ABCD3: variants seen among roughly 807,000 people sequenced by gnomAD.
ABCD3 encodes ATP binding cassette subfamily D member 3.
A neutral mutation model predicts 105.5 loss-of-function variants in ABCD3; 41 were observed. That is an observed-to-expected ratio of 0.39 (90% CI 0.30 to 0.50). The LOEUF (loss-of-function observed/expected upper bound fraction) is 0.50, where lower values mean the gene tolerates loss of function less well. Among genes scored for constraint, ABCD3 ranks in the 20% least tolerant of loss-of-function variants. The pLI is 0.84. For synonymous variants in ABCD3, 258 were observed against 269.0 expected (o/e 0.96, Z 0.40); for missense variants, 622 against 806.3 (o/e 0.77, Z 2.77).
At position 94,489,719 on chromosome 1, in the gene ABCD3, T is replaced by C; in HGVS notation, c.1158-6T>C. On this transcript the variant is annotated splice_region_variant and splice_polypyrimidine_tract_variant and intron_variant, in intron 13 of 22. Transcript: ENST00000370214. ...TTGATTATGGTTTCCTTTTCTAAAA[T>C]TTTAGTTTTACTGCTCGGATTACAG... 1 of 1,609,036 alleles carries C rather than the reference T, an allele frequency of 6.2e-7. No homozygotes were observed. The highest frequency in any genetic ancestry group is 2.2e-5 in the East Asian group (1 of 44,680).
the ABCD3 span, among the ~76,000 whole-genome samples, chr1:94,408,065 G>A: frequency 7.9e-5 from 12 of 152,308 alleles, no homozygotes; most frequent in East Asian, 1.2e-3. Context: ...CAGAAAAAAC[G>A]TACAGAACTT....
chr1:94,423,619 T>G (rs1659353170), intron 1 of ABCD3, among the ~76,000 whole-genome samples: 1 of 152,186 alleles, frequency 6.6e-6, no homozygotes, highest in South Asian at 2.1e-4. Flanking sequence ...TATTGAAAAT[T>G]TGGGAGGAGT....
chr1:94,440,165 ATGT>A (rs1192103588), intron 1 of ABCD3, among the ~76,000 whole-genome samples: 3 of 152,112 alleles, frequency 2.0e-5, no homozygotes, highest in East Asian at 1.9e-4. Context: ...TTTTCTTATA[ATGT>A]TGTAAAAGAT....
intron 22 of ABCD3, 143 bp from the exon 23 acceptor site, chr1:94,516,909 G>A (rs569127500): frequency 1.4e-6 from 1 of 696,574 alleles, no homozygotes; most frequent in South Asian, 1.5e-5. Context: ...TGGTCATGGA[G>A]TTACGGAAGC....
intron 20 of ABCD3, 27 bp from the exon 21 acceptor site, chr1:94,506,511 A>T: frequency 6.7e-7 from 1 of 1,496,842 alleles, no homozygotes; most frequent in Non-Finnish European, 9.3e-7. Context: ...CCTGTGTTTT[A>T]CACAAAAAAT....
At chr1:94,464,451 A>G (rs1437639363) in intron 2 of ABCD3, among the ~76,000 whole-genome samples, 1 of 151,934 alleles carries the variant, frequency 6.6e-6, no homozygotes. Flanking sequence ...AGCTCCAGCC[A>G]GGTTGGCCAT....
chr1:94,495,196 TTTTAC>T (rs1649738364), intron 16 of ABCD3, among the ~76,000 whole-genome samples: 1 of 152,202 alleles, frequency 6.6e-6, no homozygotes, highest in South Asian at 2.1e-4. Flanking sequence ...ATAATTTTTC[TTTTAC>T]TTAAATTTAT....
the ABCD3 span, among the ~76,000 whole-genome samples, chr1:94,396,626 C>T: frequency 2.0e-5 from 3 of 151,708 alleles, no homozygotes; most frequent in African/African-American, 4.8e-5. Flanking sequence ...CGCGCACGTG[C>T]GTGTGTGTTT....
At chr1:94,508,619 C>G (rs1483291420) in intron 21 of ABCD3, among the ~76,000 whole-genome samples, 1 of 149,740 alleles carries the variant, frequency 6.7e-6, no homozygotes, top group Non-Finnish European at 1.5e-5. Flanking sequence ...TCTTCCTACC[C>G]ATGAGCATGG....
intron 21 of ABCD3, among the ~76,000 whole-genome samples, chr1:94,509,608 C>T (rs1410219651): frequency 6.6e-6 from 1 of 152,272 alleles, no homozygotes; most frequent in African/African-American, 2.4e-5. Context: ...GCTGTGACTC[C>T]ATCTGGTCCT....
At chr1:94,487,419 A>C in intron 10 of ABCD3, 123 bp from the exon 11 acceptor site, 1 of 875,404 alleles carries the variant, frequency 1.1e-6, no homozygotes, top group East Asian at 2.6e-5. Context: ...ATATAAACAG[A>C]AATCACGGGC....
chr1:94,414,891 C>G (rs1052763358), upstream of ABCD3, among the ~76,000 whole-genome samples: 1 of 152,164 alleles, frequency 6.6e-6, no homozygotes, highest in Non-Finnish European at 1.5e-5. Flanking sequence ...ACAGTTTCTA[C>G]GAGTCAGGAA....
chr1:94,460,053 TAAC>T (rs1353240223), intron 2 of ABCD3, among the ~76,000 whole-genome samples: 5 of 152,188 alleles, frequency 3.3e-5, no homozygotes, highest in African/African-American at 1.2e-4. Context: ...TTATGAATAA[TAAC>T]AATGCTGCTA....
chr1:94,499,304 T>C (rs1311647656), intron 19 of ABCD3, among the ~76,000 whole-genome samples, 191 bp from the exon 20 acceptor site: 1 of 152,200 alleles, frequency 6.6e-6, no homozygotes, highest in Non-Finnish European at 1.5e-5. Flanking sequence ...TAGACATATT[T>C]TGTCAAGTTT....
In ABCD3 at chr1:94,498,048, A is replaced by G. The variant is rs183992943; in HGVS notation, c.1387-554A>G. On this transcript the variant is annotated intron_variant, in intron 16 of 22. Transcript: ENST00000370214. ...CTAAACTTTATCTCTCTTTATCTTA[A>G]GTTGATGATATCAATCAGTCAGTAA... 2.6e-4 allele frequency among the ~76,000 whole-genome samples: 40 copies of G among 152,238 alleles called. No homozygotes were observed. In the East Asian group the frequency reaches 7.5e-3, roughly 29 times the overall value.
At chr1:94,492,138 T>G (rs1161262784) in intron 16 of ABCD3, among the ~76,000 whole-genome samples, 1 of 152,290 alleles carries the variant, frequency 6.6e-6, no homozygotes, top group East Asian at 1.9e-4. Context: ...TAAAATTAAA[T>G]AGCCACATGT....
In ABCD3 at chr1:94,510,165, G is replaced by A. The variant is rs567244485; in HGVS notation, c.1845+3523G>A. 6.4e-4 allele frequency among the ~76,000 whole-genome samples: 97 copies of A among 152,138 alleles called. 1 individual carries two copies. The East Asian group carries it at 9.1e-3, about 14-fold the overall frequency. ...TCCCTCTACACACTGCTTTGAATGC[G>A]TCCCAGAGATTCTGGTATGTTGTGT... On this transcript the variant is annotated intron_variant, in intron 21 of 22. Coordinates refer to ENST00000370214, the MANE Select transcript of ABCD3 (RefSeq NM_002858.4).
chr1:94,412,079 G>T, the ABCD3 span, among the ~76,000 whole-genome samples: 2 of 152,106 alleles, frequency 1.3e-5, no homozygotes, highest in Non-Finnish European at 2.9e-5. Context: ...AGAAGTGGGA[G>T]TTGCCCCACA....
At chr1:94,463,569 A>T (rs1458516871) in intron 2 of ABCD3, among the ~76,000 whole-genome samples, 1 of 152,186 alleles carries the variant, frequency 6.6e-6, no homozygotes, top group Non-Finnish European at 1.5e-5. Context: ...GAGCTGTGAT[A>T]ATGGAGTTGG....
Sources: gnomAD v4.1 joint callset for allele counts (sites outside exome capture counted in the v4.1 genomes callset) on GRCh38, gnomAD v4.1.1 for gene constraint, MANE v1.5 for transcripts, NCBI Gene and HGNC (gene_info 2026-07-23, HGNC 2026-07-21) for gene names.